KCMF1: variants seen among roughly 807,000 people sequenced by gnomAD.
KCMF1 encodes the protein E3 ubiquitin-protein ligase KCMF1.
Under a neutral mutation model 41.1 loss-of-function variants are expected in KCMF1, and 3 were observed. The ratio of observed to expected loss-of-function variants is 0.07; its 90% CI spans 0.03 to 0.19. The LOEUF (loss-of-function observed/expected upper bound fraction) is 0.19, where lower values mean the gene tolerates loss of function less well. KCMF1 is among the 10% of genes least tolerant of loss of function. KCMF1 has a pLI of 1.00. For synonymous variants in KCMF1, 142 were observed against 164.5 expected (o/e 0.86, Z 1.04); for missense variants, 286 against 488.9 (o/e 0.58, Z 3.91).
intron 1 of KCMF1, among the ~76,000 whole-genome samples, chr2:85,024,468 A>G (rs1037351380): frequency 2.0e-5 from 3 of 152,080 alleles, no homozygotes; most frequent in Non-Finnish European, 4.4e-5. Flanking sequence ...GTGAGACTCT[A>G]TCTCAAAAGA....
At chr2:85,052,156 G>A (rs373921422) in intron 6 of KCMF1, among the ~76,000 whole-genome samples, 16 of 152,088 alleles carry the variant, frequency 1.1e-4, no homozygotes, top group African/African-American at 3.9e-4. Flanking sequence ...TGCAACCACC[G>A]CCTCCCAGGT....
chr2:85,047,609 A>C (rs1225263235), intron 5 of KCMF1, among the ~76,000 whole-genome samples: 4 of 151,724 alleles, frequency 2.6e-5, no homozygotes, highest in South Asian at 2.1e-4. Context: ...AAAAAAAAAA[A>C]AAAACACAGT....
intron 1 of KCMF1, among the ~76,000 whole-genome samples, chr2:85,016,425 A>C (rs1211545510): frequency 2.7e-5 from 4 of 146,686 alleles, no homozygotes; most frequent in African/African-American, 1.1e-4. Flanking sequence ...ATAACTAAGG[A>C]AAGCTCTCTA....
intron 1 of KCMF1, among the ~76,000 whole-genome samples, chr2:84,993,890 G>C (rs889871758): frequency 1.4e-5 from 2 of 145,650 alleles, no homozygotes; most frequent in East Asian, 4.2e-4. Flanking sequence ...CCCCATTTTT[G>C]AGTTTGAACA....
At chr2:85,016,957 C>T (rs543785722) in intron 1 of KCMF1, among the ~76,000 whole-genome samples, 1 of 151,888 alleles carries the variant, frequency 6.6e-6, no homozygotes, top group South Asian at 2.1e-4. Context: ...TGAGCCACTG[C>T]GCCCAGCCTA....
chr2:85,014,885 A>G (rs1325455057), intron 1 of KCMF1, among the ~76,000 whole-genome samples: 1 of 151,144 alleles, frequency 6.6e-6, no homozygotes, highest in Non-Finnish European at 1.5e-5. Context: ...TAACCACCCT[A>G]TTGCATGTTA....
At chr2:85,026,121 G>A (rs1675097485) in intron 1 of KCMF1, among the ~76,000 whole-genome samples, 1 of 151,896 alleles carries the variant, frequency 6.6e-6, no homozygotes, top group Admixed American at 6.6e-5. Context: ...CTCCCAAGTA[G>A]CTGAGATTAC....
chr2:84,993,902 TTTTTGTTTTG>T (rs199701778), intron 1 of KCMF1, among the ~76,000 whole-genome samples: 58,581 of 134,978 alleles, frequency 0.43, 13,078 homozygotes, highest in Middle Eastern at 0.6. Flanking sequence ...GTTTGAACAT[TTTTTGTTTTG>T]TTTTGTTTTG....
chr2:85,023,054 A>AT (rs1408161644), intron 1 of KCMF1, among the ~76,000 whole-genome samples: 7 of 149,920 alleles, frequency 4.7e-5, no homozygotes, highest in African/African-American at 1.2e-4. Context: ...CGCCTGGCTA[A>AT]TTTTTTGTAT....
intron 1 of KCMF1, among the ~76,000 whole-genome samples, chr2:85,022,924 T>C (rs769006643): frequency 6.9e-5 from 10 of 144,508 alleles, no homozygotes; most frequent in Middle Eastern, 7.2e-3. Context: ...AGTCTCGCTC[T>C]GTTGCCCAGG....
At chr2:84,997,764 CTTTTTTTTTTTTTT>C (rs112460793) in intron 1 of KCMF1, among the ~76,000 whole-genome samples, 2 of 80,268 alleles carry the variant, frequency 2.5e-5, no homozygotes, top group Non-Finnish European at 4.6e-5. Context: ...AATACATTTT[CTTTTTTTTTTTTTT>C]TTTTTTTTTT....
chr2:85,039,954 A>G (rs942481139), intron 3 of KCMF1, among the ~76,000 whole-genome samples: 1 of 152,098 alleles, frequency 6.6e-6, no homozygotes, highest in Non-Finnish European at 1.5e-5. Context: ...CTGGGATTAC[A>G]GGCATGTGCC....
chr2:85,005,337 G>A (rs1674441820), intron 1 of KCMF1, among the ~76,000 whole-genome samples: 1 of 151,200 alleles, frequency 6.6e-6, no homozygotes, highest in Non-Finnish European at 1.5e-5. Context: ...CTCCCAGGCT[G>A]GAGTGCAGTG....
chr2:85,033,819 C>G (rs1398840564), intron 2 of KCMF1, among the ~76,000 whole-genome samples: 1 of 152,168 alleles, frequency 6.6e-6, no homozygotes, highest in Non-Finnish European at 1.5e-5. Flanking sequence ...CCTTCAGATA[C>G]ACTTACGAGG....
At chr2:84,995,768 C>T (rs922399221) in intron 1 of KCMF1, among the ~76,000 whole-genome samples, 4 of 152,174 alleles carry the variant, frequency 2.6e-5, no homozygotes, top group African/African-American at 2.4e-5. Flanking sequence ...GTGGGCAATA[C>T]ATTGAAACCC....
At chr2:85,033,164 T>C (rs1293394311) in intron 2 of KCMF1, among the ~76,000 whole-genome samples, 1 of 152,218 alleles carries the variant, frequency 6.6e-6, no homozygotes, top group Non-Finnish European at 1.5e-5. Context: ...ATATACATAA[T>C]ACATAAAACT....
chr2:85,026,483 ATTATTATTATTATTT>A (rs1188892250), intron 1 of KCMF1, among the ~76,000 whole-genome samples: 1 of 145,704 alleles, frequency 6.9e-6, no homozygotes, highest in African/African-American at 2.5e-5. Flanking sequence ...TATTATTATT[ATTATTATTATTATTT>A]TTATTTTTTC....
intron 3 of KCMF1, among the ~76,000 whole-genome samples, chr2:85,042,660 T>C (rs937698947): frequency 6.6e-6 from 1 of 152,230 alleles, no homozygotes; most frequent in Non-Finnish European, 1.5e-5. Context: ...TTCTTTAAGA[T>C]TGAAGTTGTT....
At position 85,008,361 on chromosome 2, in the gene KCMF1, ATTATATATC is replaced by A. The variant is rs374820057; in HGVS notation, c.17-19527_17-19519del. 7.3e-3 allele frequency among the ~76,000 whole-genome samples: 161 copies of A among 22,132 alleles called. 1 individual carries two copies. The highest frequency in any genetic ancestry group is 0.011 in the Admixed American group (18 of 1,652). The allele number at this position is 22,132 out of a possible 152,430, so 14.5% of individuals were successfully genotyped here. On this transcript the variant is annotated intron_variant, in intron 1 of 6. Transcript: ENST00000409785. ...ATATGATATATAATATATAATATAT[ATTATATATC>A]ATATGATATATTATATATGATATAT... is the stretch of plus-strand genomic sequence containing the variant.
Sources: gnomAD v4.1 joint callset for allele counts (sites outside exome capture counted in the v4.1 genomes callset) on GRCh38, gnomAD v4.1.1 for gene constraint, MANE v1.5 for transcripts, NCBI Gene and HGNC (gene_info 2026-07-23, HGNC 2026-07-21) for gene names.